Variants in FRYL observed in about 807,000 individuals in gnomAD.
FRYL encodes protein furry homolog-like.
A neutral mutation model predicts 351.2 loss-of-function variants in FRYL; 150 were observed. The observed-to-expected ratio is 0.43, with a 90% confidence interval of 0.37 to 0.49. The LOEUF is 0.49. Among genes scored for constraint, FRYL ranks in the 20% least tolerant of loss-of-function variants. The pLI, the probability that FRYL is intolerant of heterozygous loss-of-function variation, is 0.00. For synonymous variants in FRYL, 1,153 were observed against 1,257.1 expected, an observed-to-expected ratio of 0.92 and a Z score of 1.75; for missense variants, 3,036 against 3,619.3, an observed-to-expected ratio of 0.84 and a Z score of 4.13.
chr4:48,684,880 T>C (rs1764996751), intron 2 of FRYL, 85 bp from the exon 3 acceptor site: 1 of 152,238 alleles, frequency 6.6e-6, no homozygotes, highest in African/African-American at 2.4e-5. Flanking sequence ...ACACATTTTA[T>C]ACATTTTATA....
chr4:48,570,677 ATATT>A, intron 27 of FRYL, 146 bp downstream of exon 27: 2 of 561,708 alleles, frequency 3.6e-6, no homozygotes, highest in Non-Finnish European at 6.3e-6. Context: ...TATCGAATGC[ATATT>A]TATTTGTTAA....
chr4:48,779,471 A>G (rs1347660506), intron 1 of FRYL, among the ~76,000 whole-genome samples: 1 of 152,084 alleles, frequency 6.6e-6, no homozygotes, highest in Non-Finnish European at 1.5e-5. Flanking sequence ...AGACCAGAGC[A>G]AGGGAAAAGG....
intron 1 of FRYL, among the ~76,000 whole-genome samples, chr4:48,750,273 C>T (rs1186049317): frequency 6.6e-6 from 1 of 151,672 alleles, no homozygotes; most frequent in African/African-American, 2.4e-5. Flanking sequence ...TCAGCCTGGG[C>T]AACATGGGGA....
intron 4 of FRYL, among the ~76,000 whole-genome samples, 171 bp downstream of exon 4, chr4:48,634,120 C>A (rs914992518): frequency 6.6e-6 from 1 of 152,026 alleles, no homozygotes; most frequent in Non-Finnish European, 1.5e-5. Flanking sequence ...TGTTCTTTTG[C>A]GACCTGCAGC....
In FRYL at chr4:48,629,958, T is replaced by A. The variant is rs571626931; in HGVS notation, c.120+4333A>T. On this transcript the variant is annotated intron_variant, in intron 4 of 63. Coordinates refer to ENST00000358350, the MANE Select transcript of FRYL (RefSeq NM_015030.2). ...CTTAGGAAAGGGCAAAATACAATGA[T>A]GCTGACTGGGGCATACAATGGTTGA... is the stretch of plus-strand genomic sequence containing the variant. Among the ~76,000 whole-genome samples the A allele has an allele frequency of 2.0e-5, 3 of 152,322 alleles. No homozygotes were observed. The South Asian group carries it at 6.2e-4, about 32-fold the overall frequency.
At position 48,594,022 on chromosome 4, in the gene FRYL, A is replaced by T; in HGVS notation, c.1249-6T>A. Reference sequence around the variant, plus strand: ...ATTGCAAAATCCAAGCGTTCCTTAAAAAAAAAAAAATCCTTATAACTTGCT... The same window carrying T: ...ATTGCAAAATCCAAGCGTTCCTTAATAAAAAAAAAATCCTTATAACTTGCT... On this transcript the variant is annotated splice_polypyrimidine_tract_variant and splice_region_variant and intron_variant, in intron 15 of 63. Transcript: ENST00000358350. 2 of 1,407,514 alleles carry T rather than the reference A, an allele frequency of 1.4e-6. No individual in the cohort carries two copies. Among genetic ancestry groups the T allele is most frequent in the East Asian group, 2.7e-5 (1 of 37,380 alleles). The allele number at this position is 1,407,514 out of a possible 1,614,324, so 87.2% of individuals were successfully genotyped here.
At chr4:48,618,122 A>G (rs1749913472) in intron 7 of FRYL, 1 of 152,196 alleles carries the variant, frequency 6.6e-6, no homozygotes. Context: ...CCAAGAGATC[A>G]CAGAAGTCAA....
chr4:48,736,123 G>A (rs536172159), intron 1 of FRYL, among the ~76,000 whole-genome samples: 2 of 151,940 alleles, frequency 1.3e-5, no homozygotes, highest in East Asian at 1.9e-4. Flanking sequence ...ATGACAGATG[G>A]GTCAAAAAAT....
chr4:48,725,466 G>A (rs2149615399), intron 1 of FRYL, among the ~76,000 whole-genome samples: 1 of 152,274 alleles, frequency 6.6e-6, no homozygotes, highest in South Asian at 2.1e-4. Context: ...CATTTTTCAA[G>A]GTTTCAGTTA....
chr4:48,683,126 G>A (rs1382437205), intron 3 of FRYL, among the ~76,000 whole-genome samples: 1 of 152,088 alleles, frequency 6.6e-6, no homozygotes, highest in Non-Finnish European at 1.5e-5. Flanking sequence ...GCACGGACAT[G>A]GATGAAGCTG....
At chr4:48,724,230 CAG>C (rs1294058588) in intron 1 of FRYL, among the ~76,000 whole-genome samples, 5 of 152,140 alleles carry the variant, frequency 3.3e-5, no homozygotes, top group South Asian at 2.1e-4. Context: ...ACATAAAAGA[CAG>C]GGGAAAAAGT....
rs143948402 is a variant in FRYL at position 48,546,361 on chromosome 4, T to C, written c.5075-90A>G. On this transcript the variant is annotated intron_variant, in intron 41 of 63. Coordinates refer to ENST00000358350, the MANE Select transcript of FRYL (RefSeq NM_015030.2). ...TTAAACTGTTGTTCCTTAGACTCTA[T>C]GGGACACATGAGGCAATCTGTCAGT... 7.4e-4 allele frequency: 731 copies of C among 990,426 alleles called. 3 individuals carry two copies. The African/African-American group carries it at 0.01, about 14-fold the overall frequency. The allele number at this position is 990,426 out of a possible 1,614,324, so 61.4% of individuals were successfully genotyped here. A position where few individuals can be genotyped will look rare whatever the true frequency, so the allele number is the denominator to read the frequency against.
chr4:48,685,989 A>G lies in FRYL; in HGVS notation c.-203-1194T>C, dbSNP rs578013871. ...AGGCTGGTATCCAACTCTTGACCTC[A>G]GGTGATCCTCCTAAAGGCTGGGATT... On this transcript the variant is annotated intron_variant, in intron 2 of 63. Coordinates refer to ENST00000358350, the MANE Select transcript of FRYL (RefSeq NM_015030.2). 2.6e-5 allele frequency among the ~76,000 whole-genome samples: 4 copies of G among 152,252 alleles called. No individual in the cohort carries two copies. The South Asian group carries it at 8.3e-4, about 32-fold the overall frequency.
chr4:48,649,555 T>G (rs1757224055), intron 3 of FRYL, among the ~76,000 whole-genome samples: 2 of 152,244 alleles, frequency 1.3e-5, no homozygotes, highest in Admixed American at 1.3e-4. Context: ...TACTGAGTCT[T>G]GCTTTGTCTT....
intron 7 of FRYL, among the ~76,000 whole-genome samples, chr4:48,614,323 G>A (rs1196729513): frequency 2.0e-5 from 3 of 152,106 alleles, no homozygotes; most frequent in Non-Finnish European, 4.4e-5. Flanking sequence ...CTTTCATGGA[G>A]TAATATCTCC....
rs1287009193 is a variant in FRYL, at chr4:48,719,437, C to T, written c.-383-8739G>A. On this transcript the variant is annotated intron_variant, in intron 1 of 63. Coordinates refer to ENST00000358350, the MANE Select transcript of FRYL (RefSeq NM_015030.2). The stretch of plus-strand genomic sequence containing the variant: ...CTCAACTATAAAATGAGAATAACAC[C>T]TTCAAGGCTGCTATATAAAGATGAC... 2.0e-5 allele frequency among the ~76,000 whole-genome samples: 3 copies of T among 151,626 alleles called. 1 individual carries two copies. Among genetic ancestry groups the T allele is most frequent in the Non-Finnish European group, 4.4e-5 (3 of 67,894 alleles).
intron 1 of FRYL, among the ~76,000 whole-genome samples, chr4:48,722,306 G>A (rs943346512): frequency 2.0e-5 from 3 of 152,132 alleles, no homozygotes; most frequent in Non-Finnish European, 2.9e-5. Context: ...CCAAAATACA[G>A]ATTTCCTTCC....
In FRYL at chr4:48,590,772, T is replaced by C; in HGVS notation, c.1394A>G (p.Asp465Gly). 3 of 1,613,920 alleles carry C rather than the reference T, an allele frequency of 1.9e-6. No individual in the cohort carries two copies. Among genetic ancestry groups the C allele is most frequent in the Non-Finnish European group, 2.5e-6 (3 of 1,179,882 alleles). Residue 465 changes from aspartate (D) to glycine (G), a missense_variant, in exon 17 of 64, where the codon GAT becomes GGT. Transcript: ENST00000358350. Reference protein sequence around the residue: ...LVIADSLQQKDGEPPMPTTGV... With the variant: ...LVIADSLQQKGGEPPMPTTGV... ...TGTTGTTGGCATGGGTGGTTCACCATCTTTCTGCTGCAAACTGTCTGCTAT... is the reference window on the plus strand; with the variant it reads ...TGTTGTTGGCATGGGTGGTTCACCACCTTTCTGCTGCAAACTGTCTGCTAT...
At chr4:48,561,908 C>G (rs1211344315) in intron 32 of FRYL, among the ~76,000 whole-genome samples, 1 of 151,994 alleles carries the variant, frequency 6.6e-6, no homozygotes, top group Non-Finnish European at 1.5e-5. Flanking sequence ...CCCAGCTACT[C>G]AGGAGGCTGA....
Sources: allele counts gnomAD v4.1 joint callset (sites outside exome capture counted in the v4.1 genomes callset), GRCh38; gene constraint gnomAD v4.1.1; transcripts MANE v1.5; gene names NCBI Gene and HGNC (gene_info 2026-07-23, HGNC 2026-07-21).